OR1S1: variants seen among roughly 807,000 people sequenced by gnomAD.
OR1S1 encodes olfactory receptor 1S1.
For missense variants in OR1S1, 411 were observed against 367.5 expected (o/e 1.12, Z -0.97); for synonymous variants, 156 against 143.9 (o/e 1.08, Z -0.60).
exon 2 of OR1S1, chr11:58,215,731 A>G: frequency 6.2e-7 from 1 of 1,606,020 alleles, no homozygotes; most frequent in Non-Finnish European, 8.5e-7. Flanking sequence ...GATGCCCTGG[A>G]CCTCTACATT....
chr11:58,213,929 A>G lies in OR1S1; in HGVS notation c.-55-800A>G, dbSNP rs1852870269. ...AGGCTGTTTCTGGATTGGAATCTCA[A>G]CAAGGTGACTTGACTCCAATGACCT... On this transcript the variant is annotated intron_variant, in intron 1 of 1. Coordinates refer to ENST00000641544, the Ensembl canonical transcript of OR1S1. Among the ~76,000 whole-genome samples the G allele has an allele frequency of 3.3e-5, 5 of 152,302 alleles. No homozygotes were observed. In the South Asian group the frequency reaches 1.0e-3, roughly 32 times the overall value.
At chr11:58,215,043 C>T in exon 2 of OR1S1, 1 of 1,614,140 alleles carries the variant, frequency 6.2e-7, no homozygotes, top group Non-Finnish European at 8.5e-7. Flanking sequence ...AATATTCAAA[C>T]CAAGAGTCAA....
At chr11:58,215,290 T>C in exon 2 of OR1S1, 1 of 1,613,550 alleles carries the variant, frequency 6.2e-7, no homozygotes, top group Non-Finnish European at 8.5e-7. Flanking sequence ...TGCTCTTCTG[T>C]AACCACAACA....
At chr11:58,214,369 T>C (rs1250806093) in intron 1 of OR1S1, among the ~76,000 whole-genome samples, 2 of 152,222 alleles carry the variant, frequency 1.3e-5, no homozygotes, top group Non-Finnish European at 2.9e-5. Context: ...TTGAAATTTC[T>C]GTTTTCTTAG....
At chr11:58,215,330 C>T in exon 2 of OR1S1, 1 of 1,613,672 alleles carries the variant, frequency 6.2e-7, no homozygotes, top group South Asian at 1.1e-5. Flanking sequence ...TGACTTGGCC[C>T]CTCTGCTCAA....
At chr11:58,213,736 G>A (rs1458273069) in intron 1 of OR1S1, among the ~76,000 whole-genome samples, 2 of 152,202 alleles carry the variant, frequency 1.3e-5, no homozygotes, top group African/African-American at 4.8e-5. Flanking sequence ...CAGGCCTGGT[G>A]TCTCTTGAGA....
At chr11:58,213,759 T>G (rs1852862123) in intron 1 of OR1S1, among the ~76,000 whole-genome samples, 1 of 152,226 alleles carries the variant, frequency 6.6e-6, no homozygotes, top group Non-Finnish European at 1.5e-5. Context: ...ATTTTGGGGT[T>G]CGTCAGGGGC....
At chr11:58,214,918 C>A in exon 2 of OR1S1, 2 of 1,614,150 alleles carry the variant, frequency 1.2e-6, no homozygotes, top group Middle Eastern at 3.3e-4. Flanking sequence ...ACGGGCTCAT[C>A]ATTGTGGCTA....
At chr11:58,215,224 C>A (rs1852918630) in exon 2 of OR1S1, 2 of 1,614,034 alleles carry the variant, frequency 1.2e-6, no homozygotes, top group Non-Finnish European at 1.7e-6. Flanking sequence ...TCACAGTCAT[C>A]TCATGGTTCC....
chr11:58,214,911 G>C (rs764392575), exon 2 of OR1S1: 4 of 1,614,004 alleles, frequency 2.5e-6, no homozygotes, highest in Non-Finnish European at 3.4e-6. Flanking sequence ...ATTGGGAACG[G>C]GCTCATCATT....
exon 2 of OR1S1, chr11:58,214,951 T>C (rs372063655): frequency 2.5e-6 from 4 of 1,614,068 alleles, no homozygotes; most frequent in East Asian, 4.5e-5. Context: ...CGTACCTTCA[T>C]ACCCCCATGT....
Position 58,214,723 on chromosome 11 carries a change from T to G in OR1S1, c.-55-6T>G. 1 of 1,606,806 alleles carries G rather than the reference T, an allele frequency of 6.2e-7. No homozygotes were observed. The highest frequency in any genetic ancestry group is 8.5e-7 in the Non-Finnish European group (1 of 1,175,234). ...CAATGGCTGCAGCCAAATGATACCA[T>G]GTTAGGTTTTCTTGTAGGAATATGA... On this transcript the variant is annotated splice_polypyrimidine_tract_variant and splice_region_variant and intron_variant, in intron 1 of 1. Transcript: ENST00000641544.
chr11:58,212,823 T>C (rs1351106446), exon 1 of OR1S1: 1 of 152,270 alleles, frequency 6.6e-6, no homozygotes, highest in African/African-American at 2.4e-5. Flanking sequence ...CAGAACAATT[T>C]GTGCAGGACT....
intron 1 of OR1S1, 58 bp from the exon 2 acceptor site, chr11:58,214,671 A>C: frequency 7.5e-7 from 1 of 1,334,518 alleles, no homozygotes; most frequent in Non-Finnish European, 1.1e-6. Flanking sequence ...TAATAAGCAG[A>C]AGAAACTTTA....
rs1852934838 is a variant in OR1S1 at position 58,215,950 on chromosome 11, T to G, written c.*228T>G. 3 of 529,612 alleles carry G rather than the reference T, an allele frequency of 5.7e-6. No individual in the cohort carries two copies. In the Admixed American group the frequency reaches 1.0e-4, roughly 18 times the overall value. 32.8% of individuals were successfully genotyped at this position (529,612 alleles called of 1,614,324 possible). A position where few individuals can be genotyped will look rare whatever the true frequency, so the allele number is the denominator to read the frequency against. ...ATAACACGCATCCTTAGAGAGTAGA[T>G]TGGTGGTTACCAGGGCCCAGGGGTG... On this transcript the variant is annotated 3_prime_UTR_variant, in exon 2 of 2. Coordinates refer to ENST00000641544, the Ensembl canonical transcript of OR1S1.
At chr11:58,213,460 G>A (rs189981115) in intron 1 of OR1S1, among the ~76,000 whole-genome samples, 1 of 152,304 alleles carries the variant, frequency 6.6e-6, no homozygotes, top group East Asian at 1.9e-4. Flanking sequence ...TCAATTCAAA[G>A]CATGGGTCCT....
exon 2 of OR1S1, chr11:58,214,864 C>G: frequency 6.2e-7 from 1 of 1,614,094 alleles, no homozygotes. Context: ...AAAACCTCCT[C>G]TTTGTGCTTT....
chr11:58,214,815 A>T (rs867732294), exon 2 of OR1S1: 1 of 1,613,972 alleles, frequency 6.2e-7, no homozygotes, highest in African/African-American at 1.3e-5. Flanking sequence ...ACCATCACTG[A>T]ATTCATTCTC....
chr11:58,215,302 T>A, exon 2 of OR1S1: 3 of 1,613,422 alleles, frequency 1.9e-6, no homozygotes, highest in Non-Finnish European at 2.5e-6. Context: ...ACCACAACAC[T>A]CTCCCACACT....
Sources: gnomAD v4.1 joint callset for allele counts (sites outside exome capture counted in the v4.1 genomes callset) on GRCh38, gnomAD v4.1.1 for gene constraint, MANE v1.5 for transcripts, NCBI Gene and HGNC (gene_info 2026-07-23, HGNC 2026-07-21) for gene names.